PTPRG: variants seen among roughly 807,000 people sequenced by gnomAD.
PTPRG encodes the protein receptor-type tyrosine-protein phosphatase gamma.
PTPRG carries 102 observed loss-of-function variants against 165.3 expected under a neutral mutation model. The observed-to-expected ratio is 0.62, with a 90% CI of 0.53 to 0.73. The LOEUF is 0.73. Among genes scored for constraint, PTPRG ranks in the 30% least tolerant of loss-of-function variants. PTPRG has a pLI of 0.00. For synonymous variants in PTPRG, 675 were observed against 669.5 expected, an observed-to-expected ratio of 1.01 and a Z score of -0.13; for missense variants, 1,866 against 1,861.4, an observed-to-expected ratio of 1.00 and a Z score of -0.05.
chr3:61,871,505 C>T (rs1481879703), intron 2 of PTPRG, among the ~76,000 whole-genome samples: 3 of 152,088 alleles, frequency 2.0e-5, no homozygotes, highest in Admixed American at 6.6e-5. Flanking sequence ...CACCCGGCCC[C>T]TTTTACTGTT....
chr3:62,003,641 A>G, intron 4 of PTPRG, 144 bp downstream of exon 4: 1 of 1,023,568 alleles, frequency 9.8e-7, no homozygotes, highest in Non-Finnish European at 1.4e-6. Context: ...TATCCATAGT[A>G]TGGCAGGTGG....
chr3:62,002,432 A>T (rs1034159772), intron 3 of PTPRG, among the ~76,000 whole-genome samples: 11 of 152,174 alleles, frequency 7.2e-5, no homozygotes, highest in Admixed American at 6.5e-4. Context: ...TGAATGAATG[A>T]ATGAATCCAC....
intron 1 of PTPRG, among the ~76,000 whole-genome samples, chr3:61,695,438 G>C (rs2030515364): frequency 6.6e-6 from 1 of 152,202 alleles, no homozygotes; most frequent in African/African-American, 2.4e-5. Flanking sequence ...TTAGGGTTAT[G>C]GGTAGGGTCC....
intron 1 of PTPRG, among the ~76,000 whole-genome samples, chr3:61,664,695 G>A (rs1702756362): frequency 6.6e-6 from 1 of 152,142 alleles, no homozygotes; most frequent in Non-Finnish European, 1.5e-5. Context: ...GTCAGGTGTG[G>A]TTGTACACGC....
intron 1 of PTPRG, among the ~76,000 whole-genome samples, chr3:61,688,348 C>G (rs1036826784): frequency 6.6e-6 from 1 of 152,208 alleles, no homozygotes; most frequent in African/African-American, 2.4e-5. Flanking sequence ...CCAGCCTAGA[C>G]TCTGTATCCT....
At chr3:61,790,107 T>A (rs1439492108) in intron 2 of PTPRG, among the ~76,000 whole-genome samples, 1 of 152,200 alleles carries the variant, frequency 6.6e-6, no homozygotes, top group Non-Finnish European at 1.5e-5. Context: ...TGGAGTAGAC[T>A]GGTGTGATCA....
chr3:61,710,987 G>A (rs1193049920), intron 1 of PTPRG, among the ~76,000 whole-genome samples: 1 of 151,616 alleles, frequency 6.6e-6, no homozygotes, highest in Non-Finnish European at 1.5e-5. Context: ...TCTTCTCACT[G>A]TTCAACTCCC....
chr3:62,272,217 G>GT (rs1702090853), intron 21 of PTPRG, among the ~76,000 whole-genome samples: 1 of 152,132 alleles, frequency 6.6e-6, no homozygotes, highest in African/African-American at 2.4e-5. Flanking sequence ...TAGAGATTGT[G>GT]TTTTTGTAAA....
chr3:61,957,215 C>T (rs1313295636), intron 2 of PTPRG, among the ~76,000 whole-genome samples: 1 of 152,190 alleles, frequency 6.6e-6, no homozygotes, highest in African/African-American at 2.4e-5. Context: ...TCTCTGATGC[C>T]TTTCTCTTTA....
chr3:61,616,924 A>G (rs1559525813), intron 1 of PTPRG, among the ~76,000 whole-genome samples: 1 of 152,172 alleles, frequency 6.6e-6, no homozygotes, highest in Non-Finnish European at 1.5e-5. Context: ...ACTTTCCACC[A>G]TCGATGCCGG....
chr3:62,069,664 TCTCTC>T (rs1575963587), intron 4 of PTPRG, among the ~76,000 whole-genome samples: 1 of 125,078 alleles, frequency 8.0e-6, no homozygotes, highest in Admixed American at 7.7e-5. Flanking sequence ...TCTCTCTCTC[TCTCTC>T]TCTCTCTCTC....
At position 61,823,434 on chromosome 3, in the gene PTPRG, G is replaced by A. The variant is rs191488934; in HGVS notation, c.190+74452G>A. On this transcript the variant is annotated intron_variant, in intron 2 of 29. Coordinates refer to ENST00000474889, the MANE Select transcript of PTPRG (RefSeq NM_002841.4). ...CAATCTCCTGACCTCGTGATCCACC[G>A]CCTCGGCCTCCCAAAGTACTGGGAT... Among the ~76,000 whole-genome samples the A allele has an allele frequency of 4.0e-3, 603 of 152,156 alleles. 10 individuals carry two copies. The highest frequency in any genetic ancestry group is 1.9e-3 in the Non-Finnish European group (131 of 68,006).
At chr3:62,036,977 G>GTGCA (rs1553707717) in intron 4 of PTPRG, among the ~76,000 whole-genome samples, 3 of 91,204 alleles carry the variant, frequency 3.3e-5, no homozygotes, top group African/African-American at 1.4e-4. Flanking sequence ...ACGTGCGCGC[G>GTGCA]CGCACGCACA....
chr3:61,812,278 CCATTCATTCATT>C (rs71782952), intron 2 of PTPRG, among the ~76,000 whole-genome samples: 11 of 144,642 alleles, frequency 7.6e-5, no homozygotes, highest in African/African-American at 1.7e-4. Flanking sequence ...GTGGTCCTGA[CCATTCATTCATT>C]CATTCATTCA....
intron 2 of PTPRG, among the ~76,000 whole-genome samples, chr3:61,952,118 G>GAAAAA (rs35655816): frequency 5.0e-5 from 4 of 79,686 alleles, no homozygotes; most frequent in Non-Finnish European, 4.8e-5. Context: ...CTCCACCTCA[G>GAAAAA]AAAAAAAAAA....
intron 2 of PTPRG, among the ~76,000 whole-genome samples, chr3:61,763,809 A>G (rs2033933106): frequency 6.6e-6 from 1 of 152,204 alleles, no homozygotes; most frequent in Non-Finnish European, 1.5e-5. Flanking sequence ...ATAAAGCTCC[A>G]TGAATTTGGA....
At chr3:62,084,595 T>C (rs1701684336) in intron 5 of PTPRG, among the ~76,000 whole-genome samples, 1 of 152,222 alleles carries the variant, frequency 6.6e-6, no homozygotes, top group African/African-American at 2.4e-5. Context: ...AGTAATTAAA[T>C]GAATTGCAGC....
intron 3 of PTPRG, among the ~76,000 whole-genome samples, chr3:61,998,587 C>T (rs1371891053): frequency 6.6e-6 from 1 of 152,222 alleles, no homozygotes; most frequent in Non-Finnish European, 1.5e-5. Context: ...AGTCCAGCTC[C>T]TAAGCTTCAC....
chr3:62,030,197 GTTT>G (rs11351369), intron 4 of PTPRG, among the ~76,000 whole-genome samples: 116 of 144,834 alleles, frequency 8.0e-4, no homozygotes, highest in Middle Eastern at 3.6e-3. Flanking sequence ...TTTTCCCTGT[GTTT>G]TTTTTTTTTT....
Sources: gnomAD v4.1 joint callset for allele counts (sites outside exome capture counted in the v4.1 genomes callset) on GRCh38, gnomAD v4.1.1 for gene constraint, MANE v1.5 for transcripts, NCBI Gene and HGNC (gene_info 2026-07-23, HGNC 2026-07-21) for gene names.